The following FAM53B variants were observed in gnomAD, a reference collection of about 807,000 sequenced individuals.
FAM53B encodes the protein family with sequence similarity 53 member B, also known as protein FAM53B.
In FAM53B, 12 loss-of-function variants were observed where a neutral mutation model predicts 32.7. That is an observed-to-expected ratio of 0.37 (90% CI 0.24 to 0.59). The LOEUF (loss-of-function observed/expected upper bound fraction) is 0.59, where lower values mean the gene tolerates loss of function less well. FAM53B is among the 20% of genes least tolerant of loss of function. The pLI, the probability that FAM53B is intolerant of heterozygous loss-of-function variation, is 0.72. For missense variants in FAM53B, 477 were observed against 577.7 expected (o/e 0.83, Z 1.79); for synonymous variants, 234 against 228.7 (o/e 1.02, Z -0.21).
chr10:124,632,216 G>A (rs918295658), intron 4 of FAM53B, among the ~76,000 whole-genome samples: 2 of 152,264 alleles, frequency 1.3e-5, no homozygotes, highest in African/African-American at 2.4e-5. Flanking sequence ...TGGCCTGCCC[G>A]AACACAGAAG....
intron 4 of FAM53B, among the ~76,000 whole-genome samples, chr10:124,679,303 T>TGTGGCCA (rs1405338465): frequency 1.3e-5 from 2 of 152,200 alleles, no homozygotes; most frequent in African/African-American, 4.8e-5. Flanking sequence ...GGCTGGGGTC[T>TGTGGCCA]GTGGCCAGTG....
intron 4 of FAM53B, among the ~76,000 whole-genome samples, chr10:124,625,423 C>T (rs1012930080): frequency 1.5e-4 from 23 of 152,328 alleles, no homozygotes; most frequent in African/African-American, 5.3e-4. Context: ...CAGGTCCACC[C>T]TCTGGGCCAT....
chr10:124,626,364 C>A (rs1219068341), intron 4 of FAM53B, among the ~76,000 whole-genome samples: 1 of 145,212 alleles, frequency 6.9e-6, no homozygotes. Flanking sequence ...CGGCACTAAC[C>A]GTGGTGCTAC....
rs1949729526 is a variant in FAM53B at position 124,675,161 on chromosome 10, C to T, written c.906+6446G>A. 2.6e-5 allele frequency among the ~76,000 whole-genome samples: 4 copies of T among 152,164 alleles called. No individual in the cohort carries two copies. In the South Asian group the frequency reaches 8.3e-4, roughly 32 times the overall value. On this transcript the variant is annotated intron_variant, in intron 4 of 4. Transcript: ENST00000337318. ...TGCTTGTGCAACCTGAGGGCTGTGA[C>T]TAGAGACAGAAAGGAGGGATCCAGG...
At chr10:124,645,853 C>G (rs966701640) in intron 4 of FAM53B, among the ~76,000 whole-genome samples, 3 of 152,110 alleles carry the variant, frequency 2.0e-5, no homozygotes, top group South Asian at 2.1e-4. Flanking sequence ...CAGCCTGTCC[C>G]GGGGGCAGCA....
chr10:124,725,100 C>T (rs1950093579), intron 1 of FAM53B, among the ~76,000 whole-genome samples: 1 of 152,162 alleles, frequency 6.6e-6, no homozygotes, highest in Non-Finnish European at 1.5e-5. Flanking sequence ...AACTTCAAGG[C>T]CAGGCAAAGC....
chr10:124,674,200 C>T (rs563115412), intron 4 of FAM53B, among the ~76,000 whole-genome samples: 12 of 152,312 alleles, frequency 7.9e-5, no homozygotes, highest in African/African-American at 2.4e-4. Flanking sequence ...AGCAGGGATG[C>T]GGCAGAGCAC....
At position 124,710,993 on chromosome 10, in the gene FAM53B, T is replaced by A. The variant is rs369599715; in HGVS notation, c.-174-4106A>T. 3.7e-4 allele frequency among the ~76,000 whole-genome samples: 56 copies of A among 152,280 alleles called. 1 individual carries two copies. The South Asian group carries it at 0.012, about 32-fold the overall frequency. ...AGCATTTATTCCAGAGAGATTAAGA[T>A]TTATGTTCACACACAAATGTTTGTA... is the stretch of plus-strand genomic sequence containing the variant. On this transcript the variant is annotated intron_variant, in intron 1 of 4. Transcript: ENST00000337318.
At chr10:124,627,575 T>C (rs1459433373) in intron 4 of FAM53B, among the ~76,000 whole-genome samples, 1 of 151,864 alleles carries the variant, frequency 6.6e-6, no homozygotes, top group Non-Finnish European at 1.5e-5. Context: ...CCTGCCCAGG[T>C]AAAAAGCTCA....
chr10:124,646,306 C>T (rs1260346340), intron 4 of FAM53B, among the ~76,000 whole-genome samples: 1 of 152,212 alleles, frequency 6.6e-6, no homozygotes, highest in African/African-American at 2.4e-5. Flanking sequence ...AGAATGTTTC[C>T]ATCGTGGCTT....
intron 1 of FAM53B, among the ~76,000 whole-genome samples, chr10:124,742,208 C>T (rs759184236): frequency 6.6e-6 from 1 of 152,216 alleles, no homozygotes; most frequent in Non-Finnish European, 1.5e-5. Flanking sequence ...AGTGCAGACA[C>T]AGAGTCAAGG....
intron 3 of FAM53B, among the ~76,000 whole-genome samples, chr10:124,694,213 C>T (rs1360534766): frequency 3.3e-5 from 5 of 152,188 alleles, no homozygotes; most frequent in South Asian, 4.1e-4. Context: ...GAGCCTGGGA[C>T]GGAGGCATTG....
chr10:124,655,046 C>A (rs925175097), intron 4 of FAM53B, among the ~76,000 whole-genome samples: 4 of 152,164 alleles, frequency 2.6e-5, no homozygotes, highest in Non-Finnish European at 5.9e-5. Context: ...GGCTTCTGGA[C>A]AATCCCGTTT....
At chr10:124,658,157 C>T (rs984970505) in intron 4 of FAM53B, among the ~76,000 whole-genome samples, 4 of 152,172 alleles carry the variant, frequency 2.6e-5, no homozygotes, top group Admixed American at 1.3e-4. Flanking sequence ...ACAGGGGCAG[C>T]GAGCAAGAAC....
At chr10:124,626,388 G>GC (rs34542605) in intron 4 of FAM53B, among the ~76,000 whole-genome samples, 8,561 of 101,232 alleles carry the variant, frequency 0.085, 650 homozygotes, top group Non-Finnish European at 0.12. Context: ...CGAAATTTGT[G>GC]CCCCCCCCCC....
At chr10:124,714,776 A>G (rs112235807) in intron 1 of FAM53B, among the ~76,000 whole-genome samples, 2 of 151,420 alleles carry the variant, frequency 1.3e-5, no homozygotes, top group Non-Finnish European at 2.9e-5. Flanking sequence ...AAAAAAAAAA[A>G]AAAGAAAACC....
At chr10:124,636,470 TG>T (rs1012054435) in intron 4 of FAM53B, among the ~76,000 whole-genome samples, 5 of 152,224 alleles carry the variant, frequency 3.3e-5, no homozygotes, top group African/African-American at 1.2e-4. Flanking sequence ...CGCCTGCATG[TG>T]GGTGGTTAGC....
rs955225025 is a variant in FAM53B, at chr10:124,669,482, C to T, written c.906+12125G>A. The stretch of plus-strand genomic sequence containing the variant: ...GGCTGGGAGGAGAAGTCAGGGCCAC[C>T]GGGGATTCACTGATCCATCAGGTGA... On this transcript the variant is annotated intron_variant, in intron 4 of 4. Coordinates refer to ENST00000337318, the MANE Select transcript of FAM53B (RefSeq NM_014661.4). Among the ~76,000 whole-genome samples, 3 of 152,288 alleles carry T rather than the reference C, an allele frequency of 2.0e-5. No homozygotes were observed. In the South Asian group the frequency reaches 6.2e-4, roughly 32 times the overall value.
chr10:124,724,665 G>A (rs1430838700), intron 1 of FAM53B, among the ~76,000 whole-genome samples: 1 of 152,152 alleles, frequency 6.6e-6, no homozygotes, highest in South Asian at 2.1e-4. Context: ...CAGCATAAAG[G>A]TAGGAAGCTG....
Sources: allele counts gnomAD v4.1 joint callset (sites outside exome capture counted in the v4.1 genomes callset), GRCh38; gene constraint gnomAD v4.1.1; transcripts MANE v1.5; gene names NCBI Gene and HGNC (gene_info 2026-07-23, HGNC 2026-07-21).